The following SYN2 variants were observed in gnomAD, a reference collection of about 807,000 sequenced individuals.
SYN2 encodes the protein synapsin-2.
In SYN2, 19 loss-of-function variants were observed where a neutral mutation model predicts 50.9. The observed-to-expected ratio is 0.37, with a 90% CI of 0.26 to 0.55. The LOEUF (loss-of-function observed/expected upper bound fraction) is 0.55, where lower values mean the gene tolerates loss of function less well. Among genes scored for constraint, SYN2 ranks in the 20% least tolerant of loss-of-function variants. The pLI is 0.81. For missense variants in SYN2, 587 were observed against 576.4 expected (o/e 1.02, Z -0.19); for synonymous variants, 255 against 224.9 (o/e 1.13, Z -1.20).
intron 1 of SYN2, among the ~76,000 whole-genome samples, chr3:12,100,578 T>A (rs537847265): frequency 1.3e-5 from 2 of 152,284 alleles, no homozygotes; most frequent in South Asian, 4.1e-4. Context: ...GTTTCTTAGA[T>A]ATGATACCAA....
At position 12,071,051 on chromosome 3, in the gene SYN2, G is replaced by C. The variant is rs550376361; in HGVS notation, c.377+66123G>C. On this transcript the variant is annotated intron_variant, in intron 1 of 12. Coordinates refer to ENST00000621198, the MANE Select transcript of SYN2 (RefSeq NM_133625.6). ...CTTTCCTTCCTGGGCATGGAATCTT[G>C]TGGCATCCATGAGACCACCTTCAAC... The C allele has an allele frequency of 8.0e-5, 45 of 561,028 alleles. 1 individual carries two copies. The highest frequency in any genetic ancestry group is 6.1e-4 in the South Asian group (44 of 72,508). The allele number at this position is 561,028 out of a possible 1,614,324, so 34.8% of individuals were successfully genotyped here.
At chr3:12,100,848 T>A (rs976627390) in intron 1 of SYN2, among the ~76,000 whole-genome samples, 3 of 152,232 alleles carry the variant, frequency 2.0e-5, no homozygotes, top group African/African-American at 7.2e-5. Context: ...CAAATGGCCA[T>A]GAACATCTAC....
chr3:12,113,303 CTAATA>C (rs569663069), intron 1 of SYN2, among the ~76,000 whole-genome samples: 162 of 152,046 alleles, frequency 1.1e-3, no homozygotes, highest in African/African-American at 3.7e-3. Context: ...TGTTTTGATT[CTAATA>C]TGTTATATAT....
chr3:12,120,397 A>G (rs1342456243), intron 1 of SYN2, among the ~76,000 whole-genome samples: 2 of 152,058 alleles, frequency 1.3e-5, no homozygotes, highest in Admixed American at 1.3e-4. Flanking sequence ...CCCCACTAGT[A>G]AGTCAGGTTG....
intron 1 of SYN2, among the ~76,000 whole-genome samples, chr3:12,129,548 AT>A (rs1296512015): frequency 6.6e-6 from 1 of 152,050 alleles, no homozygotes; most frequent in African/African-American, 2.4e-5. Context: ...GGCATAAAGA[AT>A]TTTTTCTGTG....
intron 3 of SYN2, among the ~76,000 whole-genome samples, chr3:12,142,616 A>G (rs1697047038): frequency 1.3e-5 from 2 of 152,210 alleles, no homozygotes; most frequent in Admixed American, 1.3e-4. Context: ...TCGATGCCTC[A>G]TAGATGTGAT....
chr3:12,070,737 G>A, intron 1 of SYN2: 1 of 833,906 alleles, frequency 1.2e-6, no homozygotes, highest in Non-Finnish European at 1.9e-6. Context: ...CCATCTACGA[G>A]GCCTAAGCCC....
chr3:12,017,882 T>C (rs1362253563), intron 1 of SYN2, among the ~76,000 whole-genome samples: 1 of 152,242 alleles, frequency 6.6e-6, no homozygotes, highest in Non-Finnish European at 1.5e-5. Context: ...TTGTTGTACA[T>C]GGTTTGGAAA....
At chr3:12,066,039 G>A (rs1695210762) in intron 1 of SYN2, among the ~76,000 whole-genome samples, 1 of 152,000 alleles carries the variant, frequency 6.6e-6, no homozygotes, top group African/African-American at 2.4e-5. Flanking sequence ...TCTGTTTTGG[G>A]TAACAAAAAT....
intron 1 of SYN2, among the ~76,000 whole-genome samples, chr3:12,075,997 G>T (rs1051121757): frequency 2.6e-5 from 4 of 152,090 alleles, no homozygotes; most frequent in Non-Finnish European, 5.9e-5. Flanking sequence ...ATCCTGTGAG[G>T]TATATACTAT....
intron 1 of SYN2, among the ~76,000 whole-genome samples, chr3:12,083,915 G>T (rs1352440856): frequency 6.6e-6 from 1 of 152,206 alleles, no homozygotes; most frequent in Non-Finnish European, 1.5e-5. Context: ...TAGGAACAGA[G>T]AAATCCTTAG....
chr3:12,097,885 A>C (rs745625901), intron 1 of SYN2, among the ~76,000 whole-genome samples: 82 of 152,328 alleles, frequency 5.4e-4, no homozygotes, highest in Non-Finnish European at 9.6e-4. Flanking sequence ...GGATAGCATT[A>C]GGAGATATAC....
At chr3:12,098,626 A>G (rs1256679264) in intron 1 of SYN2, among the ~76,000 whole-genome samples, 1 of 151,946 alleles carries the variant, frequency 6.6e-6, no homozygotes, top group Non-Finnish European at 1.5e-5. Flanking sequence ...ATTTAGCACA[A>G]AAGAGATTAA....
At chr3:12,185,107 C>T (rs1028564304) in intron 11 of SYN2, 22 of 985,702 alleles carry the variant, frequency 2.2e-5, no homozygotes, top group Non-Finnish European at 2.4e-5. Context: ...ATCCCTCCCT[C>T]AGCTGATAAT....
chr3:12,061,992 A>G (rs1215133927), intron 1 of SYN2, among the ~76,000 whole-genome samples: 1 of 152,064 alleles, frequency 6.6e-6, no homozygotes, highest in African/African-American at 2.4e-5. Flanking sequence ...AATCCCAGAA[A>G]GCAATTTTTG....
chr3:12,035,169 G>A (rs1226999782), intron 1 of SYN2, among the ~76,000 whole-genome samples: 1 of 152,218 alleles, frequency 6.6e-6, no homozygotes, highest in Non-Finnish European at 1.5e-5. Context: ...AAATCTTAAA[G>A]CTCCAGAATA....
At chr3:12,140,831 A>C in intron 2 of SYN2, 123 bp downstream of exon 2, 1 of 698,440 alleles carries the variant, frequency 1.4e-6, no homozygotes, top group Non-Finnish European at 2.7e-6. Flanking sequence ...TGGACTCTGC[A>C]TCTCCTCTCT....
chr3:12,050,002 C>T (rs542758410), intron 1 of SYN2, among the ~76,000 whole-genome samples: 5 of 152,178 alleles, frequency 3.3e-5, no homozygotes, highest in African/African-American at 4.8e-5. Flanking sequence ...AGGATTCAAG[C>T]GATTCTCCTG....
intron 4 of SYN2, among the ~76,000 whole-genome samples, chr3:12,148,013 C>A (rs1376544848): frequency 6.6e-6 from 1 of 152,024 alleles, no homozygotes; most frequent in African/African-American, 2.4e-5. Context: ...ACTTAGGTGG[C>A]TGAGGCGGGA....
Sources: allele counts gnomAD v4.1 joint callset (sites outside exome capture counted in the v4.1 genomes callset), GRCh38; gene constraint gnomAD v4.1.1; transcripts MANE v1.5; gene names NCBI Gene and HGNC (gene_info 2026-07-23, HGNC 2026-07-21).